The following TASP1 variants were observed in gnomAD, a reference collection of about 807,000 sequenced individuals.
TASP1 encodes the protein taspase 1.
In TASP1, 16 loss-of-function variants were observed where a neutral mutation model predicts 56.6. The ratio of observed to expected loss-of-function variants is 0.28; its 90% CI spans 0.19 to 0.43. The LOEUF is 0.43. Among genes scored for constraint, TASP1 ranks in the 20% least tolerant of loss-of-function variants. The pLI is 1.00. For synonymous variants in TASP1, 179 were observed against 184.2 expected, an observed-to-expected ratio of 0.97 and a Z score of 0.23; for missense variants, 393 against 511.6, an observed-to-expected ratio of 0.77 and a Z score of 2.24.
chr20:13,306,564 C>CAAAAAAAAAAAAAAAAAAAGAAA, the TASP1 span, among the ~76,000 whole-genome samples: 1 of 63,914 alleles, frequency 1.6e-5, no homozygotes, highest in Non-Finnish European at 2.6e-5. Context: ...GGAGAAAGGA[C>CAAAAAAAAAAAAAAAAAAAGAAA]AAAAAAAAAA....
chr20:13,478,374 C>CACACACACACACAT (rs56698233), intron 11 of TASP1, among the ~76,000 whole-genome samples: 25 of 151,526 alleles, frequency 1.6e-4, no homozygotes, highest in African/African-American at 5.3e-4. Context: ...CACACACACA[C>CACACACACACACAT]GAATACTATT....
Position 13,605,785 on chromosome 20 carries a change from G to A in TASP1, c.282+17661C>T, listed in dbSNP as rs1979841287. Among the ~76,000 whole-genome samples, 2 of 152,148 alleles carry A rather than the reference G, an allele frequency of 1.3e-5. 1 individual carries two copies. The highest frequency in any genetic ancestry group is 4.1e-4 in the South Asian group (2 of 4,834). On this transcript the variant is annotated intron_variant, in intron 4 of 13. Transcript: ENST00000337743. Reference sequence around the variant, plus strand: ...CTCATTTTGCGTAATTAATAATCATGTCCAGTAAGTAGCCAGTGCTCCTTT... The same window carrying A: ...CTCATTTTGCGTAATTAATAATCATATCCAGTAAGTAGCCAGTGCTCCTTT...
chr20:13,174,128 T>C, the TASP1 span, among the ~76,000 whole-genome samples: 7 of 152,320 alleles, frequency 4.6e-5, no homozygotes, highest in South Asian at 1.2e-3. Flanking sequence ...GTGAATGATG[T>C]GAAAATGAAA....
chr20:13,223,553 A>C, the TASP1 span, among the ~76,000 whole-genome samples: 2 of 152,244 alleles, frequency 1.3e-5, no homozygotes, highest in South Asian at 2.1e-4. Flanking sequence ...AGACTAAAGC[A>C]AGGTGATTAT....
At chr20:13,303,846 AGTC>A in the TASP1 span, among the ~76,000 whole-genome samples, 1 of 152,250 alleles carries the variant, frequency 6.6e-6, no homozygotes, top group Non-Finnish European at 1.5e-5. Context: ...AGTGATATAA[AGTC>A]AAGTTTTTGA....
chr20:13,368,604 G>A, the TASP1 span: 1 of 152,288 alleles, frequency 6.6e-6, no homozygotes, highest in African/African-American at 2.4e-5. Context: ...GAACCCTGAG[G>A]TAGGCACAGA....
chr20:13,268,272 G>A, the TASP1 span, among the ~76,000 whole-genome samples: 4 of 114,166 alleles, frequency 3.5e-5, no homozygotes, highest in African/African-American at 1.3e-4. Flanking sequence ...CTTCTCTCTC[G>A]CTCCTTCTCT....
the TASP1 span, among the ~76,000 whole-genome samples, chr20:13,288,983 T>C: frequency 2.0e-5 from 3 of 152,114 alleles, no homozygotes; most frequent in African/African-American, 7.2e-5. Context: ...AGAAGGGGTT[T>C]CACCATGTTG....
At chr20:13,402,950 G>C (rs1212311666) in intron 13 of TASP1, among the ~76,000 whole-genome samples, 1 of 152,154 alleles carries the variant, frequency 6.6e-6, no homozygotes, top group Non-Finnish European at 1.5e-5. Context: ...TCTTTCAAAA[G>C]GAAAATTACC....
At chr20:13,626,489 A>G (rs1227608572) in intron 2 of TASP1, among the ~76,000 whole-genome samples, 1 of 152,298 alleles carries the variant, frequency 6.6e-6, no homozygotes, top group East Asian at 1.9e-4. Context: ...GAAAAGCTAC[A>G]TCTCTAGGCC....
At chr20:13,510,514 T>C (rs1422843043) in intron 10 of TASP1, among the ~76,000 whole-genome samples, 1 of 152,224 alleles carries the variant, frequency 6.6e-6, no homozygotes, top group Non-Finnish European at 1.5e-5. Context: ...AGCTCTCTGT[T>C]AGCCAAAAAT....
chr20:13,554,285 T>C (rs891557547), intron 8 of TASP1, among the ~76,000 whole-genome samples: 1 of 152,184 alleles, frequency 6.6e-6, no homozygotes, highest in African/African-American at 2.4e-5. Context: ...GGGACAAATA[T>C]GCATTTCTTA....
chr20:13,286,950 C>T, the TASP1 span, among the ~76,000 whole-genome samples: 1 of 152,188 alleles, frequency 6.6e-6, no homozygotes, highest in South Asian at 2.1e-4. Context: ...CTGGGTAAAC[C>T]AGGAGAAACT....
chr20:13,526,987 G>T (rs777395373), intron 10 of TASP1, among the ~76,000 whole-genome samples: 1 of 152,062 alleles, frequency 6.6e-6, no homozygotes, highest in Non-Finnish European at 1.5e-5. Context: ...CACCTCAAAA[G>T]TCCAAAGTAG....
chr20:13,278,197 C>G, the TASP1 span, among the ~76,000 whole-genome samples: 1 of 152,208 alleles, frequency 6.6e-6, no homozygotes. Flanking sequence ...AAACAAGTCT[C>G]TCTACGTTGA....
the TASP1 span, among the ~76,000 whole-genome samples, chr20:13,253,246 C>G: frequency 6.6e-6 from 1 of 152,106 alleles, no homozygotes; most frequent in African/African-American, 2.4e-5. Flanking sequence ...TCTCTTATGT[C>G]ACTTGCTCAG....
At chr20:13,228,701 A>C in the TASP1 span, among the ~76,000 whole-genome samples, 1 of 152,148 alleles carries the variant, frequency 6.6e-6, no homozygotes, top group Non-Finnish European at 1.5e-5. Context: ...CTCCAGCTTG[A>C]AAAAATTTCT....
rs748711413 is a variant in TASP1, at chr20:13,390,791, G to A, written c.1171-339C>T. ...GCAGTTTTAATGCCAGCTCTATTGAGTATAGTCATTATGTGAAAACTAGTA... is the reference window on the plus strand; with the variant it reads ...GCAGTTTTAATGCCAGCTCTATTGAATATAGTCATTATGTGAAAACTAGTA... On this transcript the variant is annotated intron_variant, in intron 13 of 13. Transcript: ENST00000337743. 2.0e-5 allele frequency among the ~76,000 whole-genome samples: 3 copies of A among 152,280 alleles called. No individual in the cohort carries two copies. The East Asian group carries it at 5.8e-4, about 29-fold the overall frequency.
chr20:13,250,533 G>C, the TASP1 span, among the ~76,000 whole-genome samples: 1 of 152,190 alleles, frequency 6.6e-6, no homozygotes, highest in Non-Finnish European at 1.5e-5. Context: ...TCCAAAACTT[G>C]CTGCACATTG....
Sources: gnomAD v4.1 joint callset for allele counts (sites outside exome capture counted in the v4.1 genomes callset) on GRCh38, gnomAD v4.1.1 for gene constraint, MANE v1.5 for transcripts, NCBI Gene and HGNC (gene_info 2026-07-23, HGNC 2026-07-21) for gene names.